The following PARD3B variants were observed in gnomAD, a reference collection of about 807,000 sequenced individuals.
PARD3B encodes partitioning defective 3 homolog B.
Under a neutral mutation model 130.2 loss-of-function variants are expected in PARD3B, and 103 were observed. That is an observed-to-expected ratio of 0.79 (90% CI 0.67 to 0.93). The LOEUF (loss-of-function observed/expected upper bound fraction) is 0.93. Among genes scored for constraint, PARD3B ranks in the 40% least tolerant of loss-of-function variants. PARD3B has a pLI of 0.00. For missense variants in PARD3B, 1,609 were observed against 1,499.2 expected, an observed-to-expected ratio of 1.07 and a Z score of -1.21; for synonymous variants, 583 against 553.2, an observed-to-expected ratio of 1.05 and a Z score of -0.76.
chr2:204,691,558 T>G (rs1005251202), intron 2 of PARD3B, among the ~76,000 whole-genome samples: 9 of 152,116 alleles, frequency 5.9e-5, no homozygotes, highest in African/African-American at 2.2e-4. Context: ...TGGTCTTGGT[T>G]TCCCCATTTG....
At chr2:205,083,824 T>G (rs965602752) in intron 4 of PARD3B, among the ~76,000 whole-genome samples, 1 of 152,110 alleles carries the variant, frequency 6.6e-6, no homozygotes, top group Admixed American at 6.6e-5. Flanking sequence ...AAAAATAGAT[T>G]AGTATAATGA....
rs990134581 is a variant in PARD3B at position 205,572,638 on chromosome 2, G to A, written c.3260+19235G>A. On this transcript the variant is annotated intron_variant, in intron 22 of 22. Transcript: ENST00000406610. This position sits in a 1 kb window ranked among gnomAD's most constrained non-coding sequence, Gnocchi z 4.2. The stretch of plus-strand genomic sequence containing the variant: ...TGGGCACCTGTAGTCCCAGTTACTC[G>A]GGAGGCTGAGGGAGGAGAATTGCTT... 2.0e-5 allele frequency among the ~76,000 whole-genome samples: 3 copies of A among 152,104 alleles called. No homozygotes were observed. Among genetic ancestry groups the A allele is most frequent in the Non-Finnish European group, 2.9e-5 (2 of 68,016 alleles).
intron 3 of PARD3B, among the ~76,000 whole-genome samples, chr2:205,034,391 T>C (rs1218280672): frequency 4.6e-5 from 7 of 152,222 alleles, no homozygotes; most frequent in Non-Finnish European, 8.8e-5. Context: ...AATGTCCGTA[T>C]TTATTTATTT....
chr2:205,189,146 TTCTC>T (rs891350255), intron 14 of PARD3B, among the ~76,000 whole-genome samples: 1 of 151,212 alleles, frequency 6.6e-6, no homozygotes, highest in Non-Finnish European at 1.5e-5. Context: ...CATATTCTCT[TTCTC>T]TCTCTCTCTC....
intron 2 of PARD3B, among the ~76,000 whole-genome samples, chr2:204,863,225 C>T (rs1375184179): frequency 1.1e-4 from 17 of 152,156 alleles, no homozygotes; most frequent in Admixed American, 1.1e-3. Context: ...AGGCCTTATT[C>T]ATTGTTGCAT....
intron 2 of PARD3B, among the ~76,000 whole-genome samples, chr2:204,861,167 T>C (rs979868398): frequency 4.6e-4 from 17 of 37,012 alleles, no homozygotes; most frequent in Non-Finnish European, 6.9e-4. Flanking sequence ...TACCTTTCTC[T>C]CTCTCTCTCT....
At chr2:205,171,161 A>G (rs2035153443) in intron 11 of PARD3B, among the ~76,000 whole-genome samples, 1 of 152,168 alleles carries the variant, frequency 6.6e-6, no homozygotes, top group African/African-American at 2.4e-5. Flanking sequence ...TGTTGACTTT[A>G]TTAGCAGCAG....
intron 19 of PARD3B, among the ~76,000 whole-genome samples, chr2:205,418,209 C>T (rs1231676892): frequency 1.3e-5 from 2 of 152,092 alleles, no homozygotes; most frequent in East Asian, 3.9e-4. Flanking sequence ...TGCTGTCACA[C>T]CTTTGAATCT....
At chr2:204,728,509 G>A (rs772995960) in intron 2 of PARD3B, among the ~76,000 whole-genome samples, 2 of 152,156 alleles carry the variant, frequency 1.3e-5, no homozygotes, top group African/African-American at 4.8e-5. Flanking sequence ...GAAATGTAAA[G>A]GAGAAGGTGG....
intron 18 of PARD3B, chr2:205,302,016 C>A: frequency 1.6e-6 from 1 of 614,736 alleles, no homozygotes. Context: ...AGTTCAAGAC[C>A]AGCCTGGGCA....
intron 16 of PARD3B, among the ~76,000 whole-genome samples, chr2:205,289,678 C>T (rs189908268): frequency 1.3e-5 from 2 of 152,254 alleles, no homozygotes; most frequent in East Asian, 3.9e-4. Flanking sequence ...ATGACTGAGT[C>T]ATGAGGCCTC....
At position 204,969,673 on chromosome 2, in the gene PARD3B, G is replaced by C. The variant is rs373126399; in HGVS notation, c.394+4350G>C. The stretch of plus-strand genomic sequence containing the variant: ...CTTCTAGAACAGTGCTTGTTCAGTT[G>C]CATGACTTTTTAAAAATTAATTGTA... On this transcript the variant is annotated intron_variant, in intron 3 of 22. Coordinates refer to ENST00000406610, the MANE Select transcript of PARD3B (RefSeq NM_001302769.2). Among the ~76,000 whole-genome samples the C allele has an allele frequency of 2.0e-5, 3 of 152,256 alleles. No individual in the cohort carries two copies. The South Asian group carries it at 6.2e-4, about 32-fold the overall frequency.
intron 3 of PARD3B, among the ~76,000 whole-genome samples, chr2:204,989,460 T>TAAA (rs1376035118): frequency 2.0e-5 from 3 of 152,078 alleles, no homozygotes; most frequent in Non-Finnish European, 2.9e-5. Flanking sequence ...TTTGAGAGTT[T>TAAA]TCTAAAACTG....
At chr2:205,193,823 C>T (rs1442689371) in intron 15 of PARD3B, among the ~76,000 whole-genome samples, 2 of 152,284 alleles carry the variant, frequency 1.3e-5, no homozygotes, top group East Asian at 3.9e-4. Flanking sequence ...AATGCCCATC[C>T]CCAAATCCTG....
At chr2:205,119,814 C>A (rs2030445645) in intron 7 of PARD3B, among the ~76,000 whole-genome samples, 1 of 152,080 alleles carries the variant, frequency 6.6e-6, no homozygotes, top group South Asian at 2.1e-4. Flanking sequence ...CTGTCTCCCT[C>A]AAGAAATCAT....
chr2:204,561,218 A>T (rs2031287169), intron 1 of PARD3B, among the ~76,000 whole-genome samples: 1 of 152,182 alleles, frequency 6.6e-6, no homozygotes, highest in Non-Finnish European at 1.5e-5. Flanking sequence ...ATTGGATTAG[A>T]GCCTTGATTC....
chr2:205,251,599 G>A (rs539199437), intron 16 of PARD3B, among the ~76,000 whole-genome samples: 9 of 152,244 alleles, frequency 5.9e-5, no homozygotes, highest in Middle Eastern at 3.4e-3. Flanking sequence ...CATAAATTGT[G>A]TTGAGTCTTA....
chr2:205,274,190 T>C lies in PARD3B; in HGVS notation c.2186-26340T>C, dbSNP rs1310381372. Among the ~76,000 whole-genome samples, 1 of 152,176 alleles carries C rather than the reference T, an allele frequency of 6.6e-6. No homozygotes were observed. The highest frequency in any genetic ancestry group is 2.4e-5 in the African/African-American group (1 of 41,452). On this transcript the variant is annotated intron_variant, in intron 16 of 22. Transcript: ENST00000406610. The surrounding 1 kb of genome is among the most constrained non-coding windows in gnomAD (Gnocchi z 4.2). ...CTATTGCCTATAATTTTCATATATA[T>C]TATAACCTCTGAAGAGAATTTAGTA...
intron 1 of PARD3B, among the ~76,000 whole-genome samples, chr2:204,586,629 A>G (rs1340777308): frequency 6.6e-6 from 1 of 152,190 alleles, no homozygotes. Flanking sequence ...TTTCACAATC[A>G]GAAAGAACAT....
Sources: allele counts gnomAD v4.1 joint callset (sites outside exome capture counted in the v4.1 genomes callset), GRCh38; gene constraint gnomAD v4.1.1; non-coding constraint Gnocchi (gnomAD v3.1); transcripts MANE v1.5; gene names NCBI Gene and HGNC (gene_info 2026-07-23, HGNC 2026-07-21).